Variants in GTF2A1L observed in about 807,000 individuals in gnomAD.
The protein encoded by GTF2A1L is TFIIA-alpha and beta-like factor.
A neutral mutation model predicts 49.7 loss-of-function variants in GTF2A1L; 48 were observed. The ratio of observed to expected loss-of-function variants is 0.97; its 90% CI spans 0.77 to 1.23. The LOEUF (loss-of-function observed/expected upper bound fraction) is 1.23. Among genes scored for constraint, GTF2A1L ranks in the 50% most tolerant of loss-of-function variants. The pLI, the probability that GTF2A1L is intolerant of heterozygous loss-of-function variation, is 0.00. For missense variants in GTF2A1L, 736 were observed against 564.8 expected (o/e 1.30, Z -3.07); for synonymous variants, 246 against 193.5 (o/e 1.27, Z -2.25).
intron 6 of GTF2A1L, among the ~76,000 whole-genome samples, chr2:48,653,501 A>G (rs1677985896): frequency 6.6e-6 from 1 of 152,164 alleles, no homozygotes; most frequent in African/African-American, 2.4e-5. Context: ...AATATTAGAC[A>G]CTATCATGCA....
chr2:48,647,136 A>G (rs1677565114), intron 6 of GTF2A1L, 94 bp downstream of exon 6: 2 of 1,124,110 alleles, frequency 1.8e-6, no homozygotes. Context: ...TGTTAATCAG[A>G]ATTATATATA....
At chr2:48,635,488 GC>G (rs1005359184) in intron 3 of GTF2A1L, among the ~76,000 whole-genome samples, 1 of 152,074 alleles carries the variant, frequency 6.6e-6, no homozygotes, top group Non-Finnish European at 1.5e-5. Context: ...CAGGGGAACA[GC>G]AGGGGCACCA....
chr2:48,649,810 G>A (rs542893562), intron 6 of GTF2A1L, among the ~76,000 whole-genome samples: 2 of 152,192 alleles, frequency 1.3e-5, no homozygotes, highest in East Asian at 1.9e-4. Context: ...AGCATATTAC[G>A]CGTTCTTTCT....
intron 6 of GTF2A1L, among the ~76,000 whole-genome samples, chr2:48,666,342 A>G (rs1157285607): frequency 1.3e-5 from 2 of 151,978 alleles, no homozygotes. Flanking sequence ...AAGAGCTGGG[A>G]TTACAGGCAT....
At chr2:48,640,501 G>A (rs1443578653) in intron 3 of GTF2A1L, among the ~76,000 whole-genome samples, 1 of 152,036 alleles carries the variant, frequency 6.6e-6, no homozygotes, top group East Asian at 1.9e-4. Flanking sequence ...ATGAACACAA[G>A]GAAACAACAG....
intron 3 of GTF2A1L, among the ~76,000 whole-genome samples, chr2:48,641,409 T>G (rs1250487616): frequency 2.0e-5 from 3 of 152,198 alleles, no homozygotes; most frequent in Non-Finnish European, 4.4e-5. Flanking sequence ...TTTTATGAGT[T>G]GTTTGTTTTA....
intron 7 of GTF2A1L, 69 bp from the exon 8 acceptor site, chr2:48,671,522 A>G: frequency 3.3e-6 from 5 of 1,496,750 alleles, no homozygotes; most frequent in Non-Finnish European, 4.6e-6. Context: ...TTATTTCTAT[A>G]TGTCTCTTTA....
intron 3 of GTF2A1L, among the ~76,000 whole-genome samples, chr2:48,629,747 T>C (rs1454713862): frequency 6.9e-6 from 1 of 144,206 alleles, no homozygotes; most frequent in Non-Finnish European, 1.6e-5. Context: ...AGTTTTAAAA[T>C]GTATTTTGAA....
intron 8 of GTF2A1L, among the ~76,000 whole-genome samples, chr2:48,677,821 A>G (rs1679556331): frequency 6.6e-6 from 1 of 151,986 alleles, no homozygotes; most frequent in Non-Finnish European, 1.5e-5. Context: ...TTACTGATGG[A>G]TCTGGATATG....
chr2:48,646,594 C>T lies in GTF2A1L; in HGVS notation c.530C>T (p.Pro177Leu). Residue 177 changes from proline to leucine, a missense_variant, in exon 6 of 9, where the codon CCA becomes CTA. Physicochemically the swap from Pro to Leu is moderately conservative, Grantham distance 98. Transcript: ENST00000403751. Reference sequence around the variant, plus strand: ...CAAACTAGTGTTCCACAATTGAATCCATGGTCTCTTCAAGCAACTACTGAA... The same window carrying T: ...CAAACTAGTGTTCCACAATTGAATCTATGGTCTCTTCAAGCAACTACTGAA... ...VIQTSVPQLN[P>L]WSLQATTEKS... The T allele has an allele frequency of 1.9e-6, 3 of 1,614,080 alleles. No homozygotes were observed. Among genetic ancestry groups the T allele is most frequent in the Non-Finnish European group, 2.5e-6 (3 of 1,180,014 alleles).
At chr2:48,631,331 T>C (rs1676558595) in intron 3 of GTF2A1L, among the ~76,000 whole-genome samples, 1 of 152,166 alleles carries the variant, frequency 6.6e-6, no homozygotes, top group South Asian at 2.1e-4. Context: ...AGAGTTTTAA[T>C]TTCTTCCTGA....
chr2:48,619,558 C>G (rs554338458), intron 1 of GTF2A1L, among the ~76,000 whole-genome samples: 1 of 152,032 alleles, frequency 6.6e-6, no homozygotes, highest in African/African-American at 2.4e-5. Context: ...ATTTAGTACT[C>G]TTAATGAGTA....
intron 7 of GTF2A1L, 138 bp from the exon 8 acceptor site, chr2:48,671,453 C>A: frequency 1.3e-6 from 1 of 756,808 alleles, no homozygotes; most frequent in South Asian, 2.6e-5. Flanking sequence ...ATCTGCCTGC[C>A]TAGGCCTCCC....
At chr2:48,675,771 T>C (rs894358545) in intron 8 of GTF2A1L, among the ~76,000 whole-genome samples, 4 of 151,912 alleles carry the variant, frequency 2.6e-5, no homozygotes, top group African/African-American at 9.7e-5. Flanking sequence ...CTTTATCCCT[T>C]AGATGCTATA....
intron 3 of GTF2A1L, among the ~76,000 whole-genome samples, chr2:48,636,444 T>G (rs1676891707): frequency 6.6e-6 from 1 of 152,254 alleles, no homozygotes; most frequent in South Asian, 2.1e-4. Flanking sequence ...TTGTGTTTTT[T>G]TAACTGTGAG....
chr2:48,656,586 T>C (rs1478116498), intron 6 of GTF2A1L, among the ~76,000 whole-genome samples: 1 of 152,108 alleles, frequency 6.6e-6, no homozygotes, highest in Non-Finnish European at 1.5e-5. Flanking sequence ...TTATATATCC[T>C]GGATATTCAC....
At chr2:48,639,867 C>T (rs1677107744) in intron 3 of GTF2A1L, among the ~76,000 whole-genome samples, 1 of 151,904 alleles carries the variant, frequency 6.6e-6, no homozygotes, top group Non-Finnish European at 1.5e-5. Flanking sequence ...ACAAACAGTC[C>T]CGTTAAAATG....
chr2:48,645,123 A>T lies in GTF2A1L; in HGVS notation c.388+6A>T. 4 of 1,587,822 alleles carry T rather than the reference A, an allele frequency of 2.5e-6. No individual in the cohort carries two copies. The highest frequency in any genetic ancestry group is 3.4e-6 in the Non-Finnish European group (4 of 1,171,780). ...GACACTACAGACTGTATCTGGTGAG[A>T]GTATATTCTAAGAATCTTTTTGTTT... On this transcript the variant is annotated splice_donor_region_variant and intron_variant, in intron 5 of 8. Transcript: ENST00000403751.
At chr2:48,654,525 GGTGCCCACCACC>G (rs1199679482) in intron 6 of GTF2A1L, among the ~76,000 whole-genome samples, 3 of 152,088 alleles carry the variant, frequency 2.0e-5, no homozygotes, top group Non-Finnish European at 2.9e-5. Context: ...TGGGATTACA[GGTGCCCACCACC>G]ATGCCTGGCT....
Sources: gnomAD v4.1 joint callset for allele counts (sites outside exome capture counted in the v4.1 genomes callset) on GRCh38, gnomAD v4.1.1 for gene constraint, MANE v1.5 for transcripts, NCBI Gene and HGNC (gene_info 2026-07-23, HGNC 2026-07-21) for gene names.